The following CACNA2D3 variants were observed in gnomAD, a reference collection of about 807,000 sequenced individuals.
CACNA2D3 encodes calcium voltage-gated channel auxiliary subunit alpha2delta 3, also known as voltage-dependent calcium channel subunit alpha-2/delta-3.
In CACNA2D3, 60 loss-of-function variants were observed where a neutral mutation model predicts 160.6. The ratio of observed to expected loss-of-function variants is 0.37; its 90% confidence interval spans 0.30 to 0.46. The LOEUF (loss-of-function observed/expected upper bound fraction) is 0.46. Ranked by LOEUF, CACNA2D3 falls within the 20% of genes least tolerant of loss-of-function variation. The probability of loss-of-function intolerance (pLI) is 1.00; values close to 1 mark genes in which losing one functional copy is unlikely to be tolerated. For synonymous variants in CACNA2D3, 558 were observed against 492.9 expected (o/e 1.13, Z -1.75); for missense variants, 1,205 against 1,365.0 (o/e 0.88, Z 1.85).
intron 9 of CACNA2D3, among the ~76,000 whole-genome samples, chr3:54,615,217 C>T (rs1160985355): frequency 6.6e-6 from 1 of 152,146 alleles, no homozygotes; most frequent in Non-Finnish European, 1.5e-5. Flanking sequence ...GGGCATTGGT[C>T]GTTGATGACT....
chr3:54,265,198 C>G (rs911990311), intron 2 of CACNA2D3, among the ~76,000 whole-genome samples: 25 of 152,212 alleles, frequency 1.6e-4, no homozygotes, highest in Admixed American at 6.5e-4. Context: ...TACACTCCCA[C>G]CAACAGTGTT....
At chr3:55,029,884 A>G (rs918229157) in intron 35 of CACNA2D3, among the ~76,000 whole-genome samples, 13 of 152,194 alleles carry the variant, frequency 8.5e-5, no homozygotes, top group African/African-American at 2.4e-4. Context: ...TTGCCAAACT[A>G]CCATACTCAA....
intron 2 of CACNA2D3, among the ~76,000 whole-genome samples, chr3:54,220,726 G>A (rs1302377017): frequency 6.6e-6 from 1 of 152,174 alleles, no homozygotes; most frequent in Non-Finnish European, 1.5e-5. Flanking sequence ...TCCTCCTGTA[G>A]CTCTGGTTAC....
chr3:54,891,782 G>C (rs759081011), intron 25 of CACNA2D3, among the ~76,000 whole-genome samples: 1 of 152,208 alleles, frequency 6.6e-6, no homozygotes, highest in Non-Finnish European at 1.5e-5. Flanking sequence ...CACTCATCTC[G>C]TAACAAATGG....
chr3:54,513,575 G>C (rs555326883), intron 5 of CACNA2D3, among the ~76,000 whole-genome samples: 1 of 152,040 alleles, frequency 6.6e-6, no homozygotes, highest in East Asian at 1.9e-4. Flanking sequence ...CTAATACTTT[G>C]GCTTTAGAAC....
intron 28 of CACNA2D3, 101 bp from the exon 29 acceptor site, chr3:54,969,699 T>G: frequency 2.3e-6 from 2 of 870,710 alleles, no homozygotes. Context: ...AGCCCATGAC[T>G]TGGATAGCTT....
At chr3:54,502,459 G>A (rs915958474) in intron 4 of CACNA2D3, among the ~76,000 whole-genome samples, 5 of 152,084 alleles carry the variant, frequency 3.3e-5, no homozygotes, top group African/African-American at 1.2e-4. Flanking sequence ...TTGATTTCTA[G>A]CATTTCACAT....
intron 11 of CACNA2D3, among the ~76,000 whole-genome samples, chr3:54,752,143 A>AAG (rs1366281214): frequency 1.3e-5 from 2 of 152,208 alleles, no homozygotes; most frequent in Non-Finnish European, 2.9e-5. Context: ...CACAGATGGT[A>AAG]AGAGAGTGTC....
intron 11 of CACNA2D3, among the ~76,000 whole-genome samples, chr3:54,720,226 C>T (rs1243426183): frequency 6.6e-6 from 1 of 151,838 alleles, no homozygotes; most frequent in Non-Finnish European, 1.5e-5. Context: ...TTATTGGTTT[C>T]CAGCCTTACT....
At chr3:54,687,484 GT>G (rs963809283) in intron 11 of CACNA2D3, among the ~76,000 whole-genome samples, 4 of 151,620 alleles carry the variant, frequency 2.6e-5, no homozygotes, top group African/African-American at 9.7e-5. Flanking sequence ...ATTTTTCTAA[GT>G]TTTTTTTAAG....
chr3:55,015,056 G>C (rs763212620), intron 34 of CACNA2D3, among the ~76,000 whole-genome samples: 11 of 152,204 alleles, frequency 7.2e-5, no homozygotes, highest in South Asian at 2.1e-4. Context: ...GAAAGGATCA[G>C]AGCCAAATGA....
At chr3:54,915,084 C>T (rs1457640522) in intron 27 of CACNA2D3, among the ~76,000 whole-genome samples, 2 of 152,174 alleles carry the variant, frequency 1.3e-5, no homozygotes, top group East Asian at 3.8e-4. Flanking sequence ...TCTGTGTGTG[C>T]ATCACTTTTT....
intron 11 of CACNA2D3, among the ~76,000 whole-genome samples, chr3:54,745,018 T>A (rs1701726965): frequency 6.6e-6 from 1 of 152,218 alleles, no homozygotes; most frequent in Non-Finnish European, 1.5e-5. Context: ...GGAATTTGTT[T>A]TAGTCAGGTA....
At chr3:54,252,686 A>C (rs9812090) in intron 2 of CACNA2D3, among the ~76,000 whole-genome samples, 61,116 of 151,714 alleles carry the variant, frequency 0.4, 12,347 homozygotes, top group African/African-American at 0.42. Flanking sequence ...GACCAGCCGT[A>C]TGATATAGTT....
chr3:54,784,682 C>T (rs766816499), intron 13 of CACNA2D3, among the ~76,000 whole-genome samples: 2 of 152,028 alleles, frequency 1.3e-5, no homozygotes, highest in African/African-American at 2.4e-5. Flanking sequence ...AGGGGAAGAA[C>T]AGAAATGTTC....
At chr3:54,603,146 A>C (rs1422546084) in intron 9 of CACNA2D3, among the ~76,000 whole-genome samples, 2 of 152,200 alleles carry the variant, frequency 1.3e-5, no homozygotes, top group African/African-American at 2.4e-5. Context: ...GTTGCACTGG[A>C]CACAGGCAGA....
At chr3:54,583,879 C>G (rs1000041684) in intron 9 of CACNA2D3, among the ~76,000 whole-genome samples, 1 of 151,496 alleles carries the variant, frequency 6.6e-6, no homozygotes, top group Non-Finnish European at 1.5e-5. Context: ...CAGAATCTCA[C>G]CTGGACCAAC....
At chr3:54,989,582 A>T (rs895030358) in intron 31 of CACNA2D3, among the ~76,000 whole-genome samples, 2 of 152,132 alleles carry the variant, frequency 1.3e-5, no homozygotes, top group African/African-American at 4.8e-5. Context: ...CAGCTGCTTG[A>T]TTTAGTCAGA....
chr3:54,833,729 G>C (rs1703928565), intron 14 of CACNA2D3, among the ~76,000 whole-genome samples: 2 of 152,296 alleles, frequency 1.3e-5, no homozygotes, highest in South Asian at 4.1e-4. Context: ...GATTCACAGA[G>C]TCCAGACCTG....
Sources: gnomAD v4.1 joint callset for allele counts (sites outside exome capture counted in the v4.1 genomes callset) on GRCh38, gnomAD v4.1.1 for gene constraint, MANE v1.5 for transcripts, NCBI Gene and HGNC (gene_info 2026-07-23, HGNC 2026-07-21) for gene names.